Variants in EYS observed in about 807,000 individuals in gnomAD.
The protein encoded by EYS is EGF-like photoreceptor maintenance factor.
In EYS, 250 loss-of-function variants were observed where a neutral mutation model predicts 282.1. The observed-to-expected ratio is 0.89, with a 90% CI of 0.80 to 0.98. EYS has a LOEUF of 0.98. Among genes scored for constraint, EYS ranks in the 50% least tolerant of loss-of-function variants. The pLI is 0.00. For synonymous variants in EYS, 1,355 were observed against 1,282.9 expected (o/e 1.06, Z -1.20); for missense variants, 4,016 against 3,709.0 (o/e 1.08, Z -2.15).
intron 28 of EYS, among the ~76,000 whole-genome samples, chr6:64,428,728 T>C (rs964730069): frequency 2.6e-5 from 4 of 152,202 alleles, no homozygotes; most frequent in African/African-American, 4.8e-5. Flanking sequence ...AATTATACTT[T>C]ATGATATTGT....
At chr6:64,361,533 A>G (rs1352497933) in intron 29 of EYS, among the ~76,000 whole-genome samples, 1 of 151,776 alleles carries the variant, frequency 6.6e-6, no homozygotes, top group Non-Finnish European at 1.5e-5. Flanking sequence ...AATCAGGCTC[A>G]TTTTTGATCA....
At chr6:64,361,391 G>A (rs1267025270) in intron 29 of EYS, among the ~76,000 whole-genome samples, 2 of 151,672 alleles carry the variant, frequency 1.3e-5, no homozygotes, top group Non-Finnish European at 3.0e-5. Context: ...ATAGGAATAC[G>A]AATAAGGAAA....
At chr6:64,926,257 C>T (rs1431856562) in intron 15 of EYS, among the ~76,000 whole-genome samples, 1 of 152,136 alleles carries the variant, frequency 6.6e-6, no homozygotes, top group East Asian at 1.9e-4. Flanking sequence ...CAATTCTAGC[C>T]CCAGGGGCTT....
At chr6:65,638,218 T>C (rs954063461) in intron 2 of EYS, among the ~76,000 whole-genome samples, 1 of 152,168 alleles carries the variant, frequency 6.6e-6, no homozygotes, top group African/African-American at 2.4e-5. Flanking sequence ...GGATGACCTG[T>C]CTGCAGAAAG....
At chr6:64,691,622 C>T (rs576597674) in intron 22 of EYS, among the ~76,000 whole-genome samples, 1 of 151,912 alleles carries the variant, frequency 6.6e-6, no homozygotes, top group African/African-American at 2.4e-5. Flanking sequence ...AGCATAGTAC[C>T]CTATAGGTCA....
chr6:64,935,892 A>G (rs1472797620), intron 15 of EYS, among the ~76,000 whole-genome samples: 1 of 151,688 alleles, frequency 6.6e-6, no homozygotes, highest in Non-Finnish European at 1.5e-5. Flanking sequence ...ATGAACACCA[A>G]TCCTTCTGCA....
chr6:63,786,080 C>G (rs1770352161), intron 39 of EYS: 1 of 151,346 alleles, frequency 6.6e-6, no homozygotes, highest in Non-Finnish European at 1.5e-5. Context: ...GATATGTTAG[C>G]TGGGTTTAGT....
intron 41 of EYS, chr6:63,742,027 T>C: frequency 1.4e-6 from 1 of 700,328 alleles, no homozygotes; most frequent in South Asian, 1.5e-5. Flanking sequence ...TGTGGCTCTT[T>C]ATCAGCAGTC....
intron 35 of EYS, among the ~76,000 whole-genome samples, chr6:63,924,644 G>A (rs1245004706): frequency 6.6e-6 from 1 of 152,134 alleles, no homozygotes. Context: ...CAATCATTTA[G>A]TTTCTATAGG....
intron 14 of EYS, among the ~76,000 whole-genome samples, chr6:64,954,926 T>G (rs543432198): frequency 1.3e-5 from 2 of 152,198 alleles, no homozygotes; most frequent in East Asian, 3.9e-4. Flanking sequence ...CCCAGAACTT[T>G]GGAAGGCTGA....
rs34431929 is a variant in EYS at position 64,090,113 on chromosome 6, G to A, written c.6425-8111C>T. Among the ~76,000 whole-genome samples the A allele has an allele frequency of 4.0e-3, 612 of 152,064 alleles. 1 individual carries two copies. Among genetic ancestry groups the A allele is most frequent in the Non-Finnish European group, 6.1e-3 (416 of 67,930 alleles). Reference sequence around the variant, plus strand: ...CACACCAACAAGATCTTCAATGCAGGAAAAATAAAACTAGGACAAGAAAGG... The same window carrying A: ...CACACCAACAAGATCTTCAATGCAGAAAAAATAAAACTAGGACAAGAAAGG... On this transcript the variant is annotated intron_variant, in intron 31 of 42. Coordinates refer to ENST00000503581, the MANE Select transcript of EYS (RefSeq NM_001142800.2).
intron 19 of EYS, among the ~76,000 whole-genome samples, chr6:64,839,034 C>T (rs753261590): frequency 5.9e-5 from 9 of 151,946 alleles, no homozygotes; most frequent in Admixed American, 1.3e-4. Context: ...CTTCTCAAGT[C>T]TTACCAATTA....
intron 12 of EYS, among the ~76,000 whole-genome samples, chr6:65,088,902 A>C (rs1774465710): frequency 6.6e-6 from 1 of 152,054 alleles, no homozygotes. Context: ...CTATGGCAAA[A>C]AAGGGCCAAG....
chr6:64,547,517 AC>A (rs1238086987), intron 26 of EYS, among the ~76,000 whole-genome samples: 1 of 152,066 alleles, frequency 6.6e-6, no homozygotes. Context: ...GCATTCACAA[AC>A]CCTGAGCTAG....
intron 31 of EYS, among the ~76,000 whole-genome samples, chr6:64,225,509 C>T (rs149915258): frequency 4.6e-5 from 7 of 152,026 alleles, no homozygotes; most frequent in African/African-American, 9.6e-5. Flanking sequence ...CTGAGAGATA[C>T]AATATGAGAA....
rs760019839 is a variant in EYS, at chr6:64,400,747, G to A, written c.5928-11907C>T. Among the ~76,000 whole-genome samples the A allele has an allele frequency of 1.2e-4, 18 of 152,154 alleles. No individual in the cohort carries two copies. The Middle Eastern group carries it at 0.01, about 86-fold the overall frequency. ...AAATGCTTTCTCTAAAATCAGCACC[G>A]AGGGTGCTTTAAAGGTCAAATGAGC... On this transcript the variant is annotated intron_variant, in intron 28 of 42. Transcript: ENST00000503581.
chr6:64,369,456 G>A (rs1330014287), intron 29 of EYS, among the ~76,000 whole-genome samples: 4 of 152,094 alleles, frequency 2.6e-5, no homozygotes, highest in African/African-American at 9.7e-5. Flanking sequence ...AATGTCACTG[G>A]TAGTTGAATG....
chr6:63,781,868 A>G (rs944871247), intron 39 of EYS, among the ~76,000 whole-genome samples: 1 of 152,148 alleles, frequency 6.6e-6, no homozygotes, highest in African/African-American at 2.4e-5. Context: ...CCCATTCAGT[A>G]TGATATTGGC....
At chr6:65,640,066 T>C (rs1453576324) in intron 1 of EYS, among the ~76,000 whole-genome samples, 174 bp from the exon 2 acceptor site, 1 of 152,172 alleles carries the variant, frequency 6.6e-6, no homozygotes, top group African/African-American at 2.4e-5. Flanking sequence ...AGAAATAAGA[T>C]GGTAATTAAC....
Sources: gnomAD v4.1 joint callset for allele counts (sites outside exome capture counted in the v4.1 genomes callset) on GRCh38, gnomAD v4.1.1 for gene constraint, MANE v1.5 for transcripts, NCBI Gene and HGNC (gene_info 2026-07-23, HGNC 2026-07-21) for gene names.